Variants in DESI2 observed in about 807,000 individuals in gnomAD.
DESI2 encodes the protein deubiquitinase DESI2.
A neutral mutation model predicts 24.1 loss-of-function variants in DESI2; 10 were observed. That is an observed-to-expected ratio of 0.41 (90% CI 0.26 to 0.70). The LOEUF is 0.70. DESI2 is among the 30% of genes least tolerant of loss of function. The pLI, the probability that DESI2 is intolerant of heterozygous loss-of-function variation, is 0.29. For synonymous variants in DESI2, 71 were observed against 87.7 expected (o/e 0.81, Z 1.06); for missense variants, 122 against 234.9 (o/e 0.52, Z 3.14).
At chr1:244,691,850 TTCTC>T (rs759868917) in intron 3 of DESI2, 25 bp from the exon 4 acceptor site, 1 of 1,527,718 alleles carries the variant, frequency 6.5e-7, no homozygotes, top group African/African-American at 1.4e-5. Flanking sequence ...TTATTTTTCT[TTCTC>T]TTTTTTTTCT....
intron 1 of DESI2, among the ~76,000 whole-genome samples, chr1:244,668,783 T>C (rs546568829): frequency 3.5e-4 from 54 of 152,326 alleles, no homozygotes; most frequent in African/African-American, 1.3e-3. Flanking sequence ...GACAGTAATA[T>C]AGCACAATCA....
At chr1:244,703,660 CTTTTTT>C (rs34869457) in intron 4 of DESI2, among the ~76,000 whole-genome samples, 2 of 143,142 alleles carry the variant, frequency 1.4e-5, no homozygotes. Context: ...CTCATGTACA[CTTTTTT>C]TTTTTTTTTT....
In DESI2 at chr1:244,689,865, A is replaced by G. The variant is rs971069289; in HGVS notation, c.209+523A>G. Among the ~76,000 whole-genome samples the G allele has an allele frequency of 1.3e-5, 2 of 152,206 alleles. No homozygotes were observed. The highest frequency in any genetic ancestry group is 2.4e-5 in the African/African-American group (1 of 41,464). ...CTCAATCTCCTGTTTGAAAGGAGAAAAAGTTTTATTGTGACCTACCTAGCA... is the reference window on the plus strand; with the variant it reads ...CTCAATCTCCTGTTTGAAAGGAGAAGAAGTTTTATTGTGACCTACCTAGCA... On this transcript the variant is annotated intron_variant, in intron 3 of 4. Coordinates refer to ENST00000302550, the MANE Select transcript of DESI2 (RefSeq NM_016076.5). The surrounding 1 kb of genome is among the most constrained non-coding windows in gnomAD (Gnocchi z 4.0).
At chr1:244,659,137 T>A (rs796818155) in intron 1 of DESI2, among the ~76,000 whole-genome samples, 5 of 151,884 alleles carry the variant, frequency 3.3e-5, no homozygotes, top group African/African-American at 1.2e-4. Flanking sequence ...AAAAGGACAG[T>A]TGTACATCTG....
Position 244,706,547 on chromosome 1 carries a change from T to C in DESI2, c.*758T>C, listed in dbSNP as rs1396733694. 6.5e-6 allele frequency: 1 copy of C among 152,696 alleles called. No homozygotes were observed. The highest frequency in any genetic ancestry group is 1.9e-4 in the East Asian group (1 of 5,204). 9.5% of individuals were successfully genotyped at this position (152,696 alleles called of 1,614,324 possible). A position where few individuals can be genotyped will look rare whatever the true frequency, so the allele number is the denominator to read the frequency against. On this transcript the variant is annotated 3_prime_UTR_variant, in exon 5 of 5. Coordinates refer to ENST00000302550, the MANE Select transcript of DESI2 (RefSeq NM_016076.5). ...TTTTCGTTCAAGATATTCTTGGTAG[T>C]AACTGACAAGTATGTTGCACATGTA...
At chr1:244,683,295 G>A (rs1486323216) in intron 1 of DESI2, among the ~76,000 whole-genome samples, 1 of 152,022 alleles carries the variant, frequency 6.6e-6, no homozygotes, top group African/African-American at 2.4e-5. Flanking sequence ...AGGAGTCTAA[G>A]TCTTTGCCAT....
At chr1:244,697,622 T>C (rs189580157) in intron 4 of DESI2, among the ~76,000 whole-genome samples, 1 of 152,290 alleles carries the variant, frequency 6.6e-6, no homozygotes, top group East Asian at 1.9e-4. Context: ...AAAAGTTACC[T>C]GTCGAATTTC....
chr1:244,675,618 AT>A (rs1371126972), intron 1 of DESI2, among the ~76,000 whole-genome samples: 1 of 152,134 alleles, frequency 6.6e-6, no homozygotes, highest in African/African-American at 2.4e-5. Context: ...TGAACTCTGA[AT>A]TCTGTTTCAT....
intron 1 of DESI2, among the ~76,000 whole-genome samples, chr1:244,670,038 C>T (rs778880667): frequency 5.9e-5 from 9 of 151,862 alleles, no homozygotes; most frequent in Non-Finnish European, 2.9e-5. Context: ...CTCACTGCAA[C>T]CTCTGCCTCC....
intron 4 of DESI2, among the ~76,000 whole-genome samples, chr1:244,704,521 C>T (rs542668637): frequency 4.5e-5 from 6 of 133,416 alleles, no homozygotes; most frequent in African/African-American, 8.4e-5. Context: ...AGATCATCAG[C>T]GGGCAGGGAT....
chr1:244,676,309 C>T (rs966411905), intron 1 of DESI2, among the ~76,000 whole-genome samples: 1 of 151,936 alleles, frequency 6.6e-6, no homozygotes, highest in Admixed American at 6.6e-5. Context: ...ATCTCCTGAC[C>T]TCCGTGATCC....
At chr1:244,655,511 G>A (rs10927289) in intron 1 of DESI2, among the ~76,000 whole-genome samples, 4,473 of 152,216 alleles carry the variant, frequency 0.029, 224 homozygotes, top group African/African-American at 0.1. Flanking sequence ...TTTTTGACCT[G>A]GTAGAAGCCA....
intron 1 of DESI2, among the ~76,000 whole-genome samples, chr1:244,663,281 A>G (rs1675911982): frequency 6.6e-6 from 1 of 151,204 alleles, no homozygotes; most frequent in Non-Finnish European, 1.5e-5. Flanking sequence ...GGTTCACGCC[A>G]TTCTTCTGCC....
At position 244,708,125 on chromosome 1, in the gene DESI2, C is replaced by A. The variant is rs1271260407; in HGVS notation, c.*2336C>A. ...TTTCTTGCCCTTGGAGAAAAAGAATCATTCTCAACCTGATAATCTGTTAAG... is the reference window on the plus strand; with the variant it reads ...TTTCTTGCCCTTGGAGAAAAAGAATAATTCTCAACCTGATAATCTGTTAAG... On this transcript the variant is annotated 3_prime_UTR_variant, in exon 5 of 5. Transcript: ENST00000302550. 6.6e-6 allele frequency: 1 copy of A among 152,212 alleles called. No individual in the cohort carries two copies. The highest frequency in any genetic ancestry group is 1.5e-5 in the Non-Finnish European group (1 of 68,046). 9.4% of individuals were successfully genotyped at this position (152,212 alleles called of 1,614,324 possible). A position where few individuals can be genotyped will look rare whatever the true frequency, so the allele number is the denominator to read the frequency against.
chr1:244,683,275 G>A (rs189311174), intron 1 of DESI2, among the ~76,000 whole-genome samples: 88 of 152,206 alleles, frequency 5.8e-4, no homozygotes, highest in Admixed American at 1.0e-3. Context: ...ATGGGCCTAG[G>A]AGAAGGTTCA....
chr1:244,663,724 T>G (rs1013718153), intron 1 of DESI2, among the ~76,000 whole-genome samples: 1 of 151,876 alleles, frequency 6.6e-6, no homozygotes, highest in Admixed American at 6.6e-5. Context: ...GTTAAAAAAT[T>G]ATTCAAGAAC....
At position 244,705,713 on chromosome 1, in the gene DESI2, C is replaced by G. The variant is rs1487457653; in HGVS notation, c.509C>G (p.Ala170Gly). ...SQELQDELEE[A>G]EDAAASASVA... ...GAACTCCAGGATGAACTGGAGGAAG[C>G]AGAGGATGCTGCCGCATCCGCTTCC... Residue 170 changes from alanine to glycine, a missense_variant, in exon 5 of 5, where the codon GCA becomes GGA. Transcript: ENST00000302550. 6.2e-7 allele frequency: 1 copy of G among 1,613,962 alleles called. No homozygotes were observed. Among genetic ancestry groups the G allele is most frequent in the Non-Finnish European group, 8.5e-7 (1 of 1,180,050 alleles).
Position 244,707,155 on chromosome 1 carries a change from A to C in DESI2, c.*1366A>C, listed in dbSNP as rs1454207127. 6.6e-6 allele frequency: 1 copy of C among 152,644 alleles called. No homozygotes were observed. The highest frequency in any genetic ancestry group is 1.5e-5 in the Non-Finnish European group (1 of 68,042). 9.5% of individuals were successfully genotyped at this position (152,644 alleles called of 1,614,324 possible). On this transcript the variant is annotated 3_prime_UTR_variant, in exon 5 of 5. Transcript: ENST00000302550. ...AGGCAGTGACTTCAGCTTTATATAC[A>C]TATAAAATATAGTTAGTTTTAAAAT...
chr1:244,665,019 T>G (rs1675993879), intron 1 of DESI2, among the ~76,000 whole-genome samples: 2 of 152,230 alleles, frequency 1.3e-5, no homozygotes, highest in Non-Finnish European at 2.9e-5. Context: ...TACTAAATTA[T>G]CATGGATATT....
Sources: allele counts gnomAD v4.1 joint callset (sites outside exome capture counted in the v4.1 genomes callset), GRCh38; gene constraint gnomAD v4.1.1; non-coding constraint Gnocchi (gnomAD v3.1); transcripts MANE v1.5; gene names NCBI Gene and HGNC (gene_info 2026-07-23, HGNC 2026-07-21).